Variants in TYRP1 observed in about 807,000 individuals in gnomAD.
TYRP1 encodes the protein tyrosinase related protein 1.
In TYRP1, 49 loss-of-function variants were observed where a neutral mutation model predicts 42.8. The observed-to-expected ratio is 1.14, with a 90% CI of 0.91 to 1.45. The LOEUF (loss-of-function observed/expected upper bound fraction) is 1.45. TYRP1 is among the 40% of genes most tolerant of loss of function. The pLI is 0.00. For missense variants in TYRP1, 848 were observed against 662.0 expected (o/e 1.28, Z -3.08); for synonymous variants, 279 against 235.4 (o/e 1.19, Z -1.69).
chr9:12,697,791 A>T lies in TYRP1; in HGVS notation c.709-660A>T, dbSNP rs78793628. Among the ~76,000 whole-genome samples, 835 of 152,286 alleles carry T rather than the reference A, an allele frequency of 5.5e-3. 7 individuals carry two copies. The highest frequency in any genetic ancestry group is 0.019 in the African/African-American group (788 of 41,564). ...CTCTGATCTAAAAAACAATGGGCAGAAAGATTTACTCTGCTTCTGTTTAGC... is the reference window on the plus strand; with the variant it reads ...CTCTGATCTAAAAAACAATGGGCAGTAAGATTTACTCTGCTTCTGTTTAGC... On this transcript the variant is annotated intron_variant, in intron 3 of 7. Coordinates refer to ENST00000388918, the MANE Select transcript of TYRP1 (RefSeq NM_000550.3).
chr9:12,703,579 C>T (rs1818209236), intron 5 of TYRP1, among the ~76,000 whole-genome samples: 1 of 151,758 alleles, frequency 6.6e-6, no homozygotes, highest in African/African-American at 2.4e-5. Context: ...AGCCACGTTC[C>T]ATATATATCA....
At chr9:12,705,562 T>C (rs904725530) in intron 6 of TYRP1, among the ~76,000 whole-genome samples, 1 of 152,056 alleles carries the variant, frequency 6.6e-6, no homozygotes, top group Non-Finnish European at 1.5e-5. Flanking sequence ...TCAAAAATTA[T>C]TTAAGAAACA....
At chr9:12,695,184 T>C (rs1409719102) in intron 2 of TYRP1, among the ~76,000 whole-genome samples, 1 of 152,082 alleles carries the variant, frequency 6.6e-6, no homozygotes, top group Admixed American at 6.5e-5. Flanking sequence ...AGATTTATAA[T>C]GTTAAAAAGA....
In TYRP1 at chr9:12,707,436, A is replaced by G. The variant is rs367622137; in HGVS notation, c.1262-561A>G. On this transcript the variant is annotated intron_variant, in intron 6 of 7. Coordinates refer to ENST00000388918, the MANE Select transcript of TYRP1 (RefSeq NM_000550.3). The stretch of plus-strand genomic sequence containing the variant: ...AACCATATGTAAATACATATACAGC[A>G]TGTTAGATGGTGGAAGTCTCTATAG... Among the ~76,000 whole-genome samples the G allele has an allele frequency of 5.0e-4, 76 of 152,100 alleles. No individual in the cohort carries two copies. In the East Asian group the frequency reaches 0.014, roughly 27 times the overall value.
intron 1 of TYRP1, among the ~76,000 whole-genome samples, 149 bp from the exon 2 acceptor site, chr9:12,693,761 TAA>T (rs58798562): frequency 6.6e-6 from 1 of 151,224 alleles, no homozygotes. Context: ...ATTTTAAAGG[TAA>T]AATTTGTGTG....
Position 12,694,073 on chromosome 9 carries a change from T to G in TYRP1, c.77T>G (p.Phe26Cys). ...CTTTTTCAGCAGGCCCGGGCTCAAT[T>G]CCCAAGACAGTGTGCCACTGTTGAG... ...LLLFQQARAQ[F>C]PRQCATVEAL... The change falls in exon 2 of 8, where the codon TTC becomes TGC. Residue 26 changes from phenylalanine to cysteine, a missense_variant. Phe to Cys is a radical substitution (Grantham distance 205). Coordinates refer to ENST00000388918, the MANE Select transcript of TYRP1 (RefSeq NM_000550.3). 6.2e-7 allele frequency: 1 copy of G among 1,613,946 alleles called. No homozygotes were observed.
chr9:12,700,962 A>T (rs1392657550), intron 4 of TYRP1, among the ~76,000 whole-genome samples: 1 of 152,072 alleles, frequency 6.6e-6, no homozygotes, highest in Non-Finnish European at 1.5e-5. Context: ...TACGTTAATT[A>T]TAAAGCATAG....
chr9:12,694,499 T>G (rs1818046386), intron 2 of TYRP1, 118 bp downstream of exon 2: 5 of 1,321,124 alleles, frequency 3.8e-6, no homozygotes, highest in Middle Eastern at 2.3e-4. Context: ...ACCCTCTCTT[T>G]TCATAGTTGA....
chr9:12,699,248 T>C (rs924382698), intron 4 of TYRP1, among the ~76,000 whole-genome samples: 1 of 152,020 alleles, frequency 6.6e-6, no homozygotes, highest in African/African-American at 2.4e-5. Context: ...CCAGCATCCT[T>C]TCTCCAGTGA....
chr9:12,696,723 T>G (rs936337051), intron 3 of TYRP1, among the ~76,000 whole-genome samples: 6 of 152,184 alleles, frequency 3.9e-5, no homozygotes, highest in Admixed American at 2.0e-4. Flanking sequence ...TACCAACTGC[T>G]CTGTTCCTTG....
rs1563858755 is a variant in TYRP1, at chr9:12,709,150, A to AAAC, written c.1583_1585dup (p.Lys528_Leu529insGln). ...TCAATGCTATGCTGAAGAATATGAA[A>AAAC]AACTCCAGAATCCTAATCAGTCTGT... On this transcript the variant is annotated inframe_insertion, in exon 8 of 8. Transcript: ENST00000388918. 4 of 1,612,564 alleles carry AAAC rather than the reference A, an allele frequency of 2.5e-6. No individual in the cohort carries two copies. The highest frequency in any genetic ancestry group is 3.4e-6 in the Non-Finnish European group (4 of 1,179,012).
chr9:12,694,421 G>C (rs1354738409), intron 2 of TYRP1, 40 bp downstream of exon 2: 1 of 1,609,382 alleles, frequency 6.2e-7, no homozygotes, highest in Non-Finnish European at 8.5e-7. Context: ...TCCTGCATGA[G>C]ACTCAAGGCT....
chr9:12,704,818 T>G (rs1413373029), intron 6 of TYRP1, 113 bp downstream of exon 6: 1 of 1,054,222 alleles, frequency 9.5e-7, no homozygotes, highest in East Asian at 2.4e-5. Context: ...AAAATAAGGA[T>G]AGCATAGCTG....
intron 6 of TYRP1, chr9:12,707,791 G>A (rs958032385): frequency 4.1e-6 from 2 of 488,528 alleles, no homozygotes; most frequent in African/African-American, 4.0e-5. Flanking sequence ...TTTATTAAGT[G>A]GTATATTGGT....
At chr9:12,696,011 TA>T (rs1818074575) in intron 3 of TYRP1, among the ~76,000 whole-genome samples, 174 bp downstream of exon 3, 1 of 152,234 alleles carries the variant, frequency 6.6e-6, no homozygotes. Flanking sequence ...ACTTGTTAAT[TA>T]ATCTTTATCT....
chr9:12,701,323 C>A (rs1247648332), intron 4 of TYRP1, among the ~76,000 whole-genome samples: 5 of 152,016 alleles, frequency 3.3e-5, no homozygotes, highest in South Asian at 2.1e-4. Context: ...GGCCCTCCCC[C>A]TTTTTTTGTT....
Position 12,709,089 on chromosome 9 carries a change from GGATGAA to G in TYRP1, c.1523_1528del (p.Asp508_Glu509del). The G allele has an allele frequency of 6.2e-7, 1 of 1,612,766 alleles. No individual in the cohort carries two copies. The highest frequency in any genetic ancestry group is 8.5e-7 in the Non-Finnish European group (1 of 1,179,202). ...ATCTGATTCGTGCCAGACGCAGTAT[GGATGAA>G]GCTAACCAGCCTCTCCTCACTGATC... On this transcript the variant is annotated inframe_deletion, in exon 8 of 8. Transcript: ENST00000388918.
At position 12,702,456 on chromosome 9, in the gene TYRP1, G is replaced by C; in HGVS notation, c.1081+18G>C. On this transcript the variant is annotated intron_variant, in intron 5 of 7. Coordinates refer to ENST00000388918, the MANE Select transcript of TYRP1 (RefSeq NM_000550.3). ...AGTGGAAGGCAAGTAAATGAAATCAGTATTTTTAAAAGATCTAGTTATCAG... is the reference window on the plus strand; with the variant it reads ...AGTGGAAGGCAAGTAAATGAAATCACTATTTTTAAAAGATCTAGTTATCAG... 1 of 1,610,634 alleles carries C rather than the reference G, an allele frequency of 6.2e-7. No individual in the cohort carries two copies. Among genetic ancestry groups the C allele is most frequent in the Non-Finnish European group, 8.5e-7 (1 of 1,177,744 alleles).
At chr9:12,698,730 C>A in intron 4 of TYRP1, 75 bp downstream of exon 4, 1 of 1,322,802 alleles carries the variant, frequency 7.6e-7, no homozygotes. Flanking sequence ...CTGAAAGGCC[C>A]TTCATTCTAC....
Sources: allele counts gnomAD v4.1 joint callset (sites outside exome capture counted in the v4.1 genomes callset), GRCh38; gene constraint gnomAD v4.1.1; transcripts MANE v1.5; gene names NCBI Gene and HGNC (gene_info 2026-07-23, HGNC 2026-07-21).